TMEM94: variants seen among roughly 807,000 people sequenced by gnomAD.
TMEM94 encodes the protein transmembrane protein 94.
A neutral mutation model predicts 158.6 loss-of-function variants in TMEM94; 81 were observed. The ratio of observed to expected loss-of-function variants is 0.51; its 90% CI spans 0.43 to 0.61. The LOEUF (loss-of-function observed/expected upper bound fraction) is 0.61. Among genes scored for constraint, TMEM94 ranks in the 20% least tolerant of loss-of-function variants. The pLI is 0.00. For missense variants in TMEM94, 1,435 were observed against 1,762.0 expected, an observed-to-expected ratio of 0.81 and a Z score of 3.32; for synonymous variants, 751 against 730.7, an observed-to-expected ratio of 1.03 and a Z score of -0.45.
chr17:75,476,732 A>T (rs1485562266), intron 2 of TMEM94: 5 of 1,535,616 alleles, frequency 3.3e-6, no homozygotes, highest in Non-Finnish European at 4.4e-6. Context: ...CCATCAGGGC[A>T]AAGGCAACAA....
At position 75,485,626 on chromosome 17, in the gene TMEM94, T is replaced by C; in HGVS notation, c.144+79T>C. 6.3e-7 allele frequency: 1 copy of C among 1,584,984 alleles called. No homozygotes were observed. The highest frequency in any genetic ancestry group is 2.2e-5 in the East Asian group (1 of 44,670). On this transcript the variant is annotated intron_variant, in intron 3 of 31. Coordinates refer to ENST00000314256, the MANE Select transcript of TMEM94 (RefSeq NM_014738.6). This position sits in a 1 kb window ranked among gnomAD's most constrained non-coding sequence, Gnocchi z 5.5. ...GGGAGGCCCCTTCTCAGGACTCTGA[T>C]GTACCCTGTCACCCTGGACAGTGTG...
At position 75,495,003 on chromosome 17, in the gene TMEM94, C is replaced by T. The variant is rs374104242; in HGVS notation, c.2697C>T (p.His899=). 2.4e-5 allele frequency: 39 copies of T among 1,613,124 alleles called. No homozygotes were observed. Among genetic ancestry groups the T allele is most frequent in the African/African-American group, 1.1e-4 (8 of 74,870 alleles). ...GSEIPPSSPS[H]AGSLHDDLNQ... is the part of the protein sequence containing the mutation. The stretch of plus-strand genomic sequence containing the variant: ...AGATCCCCCCCTCCAGCCCCAGCCA[C>T]GCAGGCTCCCTGCATGATGACCTGA... The change falls in exon 20 of 32, where the codon CAC becomes CAT. Residue 899 remains histidine, a synonymous_variant. Transcript: ENST00000314256. This position sits in a 1 kb window ranked among gnomAD's most constrained non-coding sequence, Gnocchi z 5.6.
chr17:75,474,753 T>C (rs1215208722), intron 2 of TMEM94, among the ~76,000 whole-genome samples: 1 of 152,144 alleles, frequency 6.6e-6, no homozygotes, highest in African/African-American at 2.4e-5. Context: ...AGGGTTGTCG[T>C]CCCCTGGCTT....
At position 75,487,599 on chromosome 17, in the gene TMEM94, G is replaced by A. The variant is rs754560160; in HGVS notation, c.410-333G>A. Among the ~76,000 whole-genome samples the A allele has an allele frequency of 5.6e-4, 86 of 152,338 alleles. No homozygotes were observed. Among genetic ancestry groups the A allele is most frequent in the Non-Finnish European group, 1.0e-3 (69 of 68,022 alleles). On this transcript the variant is annotated intron_variant, in intron 5 of 31. Coordinates refer to ENST00000314256, the MANE Select transcript of TMEM94 (RefSeq NM_014738.6). This position sits in a 1 kb window ranked among gnomAD's most constrained non-coding sequence, Gnocchi z 4.6. ...GTCTCATCTGCCCCACTGGGTTGTG[G>A]CTCCTTGAGGAGCTATGTTGTTGTC...
intron 2 of TMEM94, chr17:75,476,875 G>C: frequency 2.2e-6 from 3 of 1,389,220 alleles, no homozygotes; most frequent in Non-Finnish European, 2.9e-6. Flanking sequence ...GCTTGAATGA[G>C]CATGGGTAGC....
rs1026446817 is a variant in TMEM94 at position 75,489,820 on chromosome 17, C to G, written c.954+158C>G. 3 of 679,144 alleles carry G rather than the reference C, an allele frequency of 4.4e-6. No homozygotes were observed. Among genetic ancestry groups the G allele is most frequent in the Non-Finnish European group, 7.6e-6 (3 of 392,534 alleles). The allele number at this position is 679,144 out of a possible 1,614,324, so 42.1% of individuals were successfully genotyped here. On this transcript the variant is annotated intron_variant, in intron 9 of 31. Transcript: ENST00000314256. The surrounding 1 kb of genome is among the most constrained non-coding windows in gnomAD (Gnocchi z 5.0). ...TTCCAGCTGGGCGTGGGGACTCAGGCCTGTAATCCAAGCACTTTGGGAGGC... is the reference window on the plus strand; with the variant it reads ...TTCCAGCTGGGCGTGGGGACTCAGGGCTGTAATCCAAGCACTTTGGGAGGC...
Position 75,499,861 on chromosome 17 carries a change from C to T in TMEM94, c.*527C>T. On this transcript the variant is annotated 3_prime_UTR_variant, in exon 32 of 32. Coordinates refer to ENST00000314256, the MANE Select transcript of TMEM94 (RefSeq NM_014738.6). ...CTCCCTCCCTCTGTGGGGGAGTCTCCCGCCTGAACCTGAAGATGGAGCAGG... is the reference window on the plus strand; with the variant it reads ...CTCCCTCCCTCTGTGGGGGAGTCTCTCGCCTGAACCTGAAGATGGAGCAGG... 6.4e-6 allele frequency: 1 copy of T among 157,240 alleles called. No individual in the cohort carries two copies. The allele number at this position is 157,240 out of a possible 1,614,324, so 9.7% of individuals were successfully genotyped here. A position where few individuals can be genotyped will look rare whatever the true frequency, so the allele number is the denominator to read the frequency against.
Position 75,488,786 on chromosome 17 carries a change from G to A in TMEM94, c.640G>A (p.Gly214Arg). The A allele has an allele frequency of 6.2e-7, 1 of 1,613,836 alleles. No homozygotes were observed. Among genetic ancestry groups the A allele is most frequent in the Non-Finnish European group, 8.5e-7 (1 of 1,179,904 alleles). The stretch of plus-strand genomic sequence containing the variant: ...TGACGAGCACATCGTCCTGGAGCCG[G>A]GAGACCTCTTCCCCCCCTTCTCCCC... The part of the protein sequence containing the change: ...KDDEHIVLEP[G>R]DLFPPFSPPP... Residue 214 changes from glycine (G) to arginine (R), a missense_variant, in exon 7 of 32, where the codon GGA becomes AGA. Transcript: ENST00000314256.
intron 18 of TMEM94, 38 bp downstream of exon 18, chr17:75,493,954 G>A: frequency 6.4e-7 from 1 of 1,574,028 alleles, no homozygotes; most frequent in Non-Finnish European, 8.6e-7. Flanking sequence ...TGGTGCTGGG[G>A]CTCCCCTGGG....
rs1174139895 is a variant in TMEM94 at position 75,496,320 on chromosome 17, G to A, written c.3092G>A (p.Trp1031Ter). 1 of 1,614,176 alleles carries A rather than the reference G, an allele frequency of 6.2e-7. No homozygotes were observed. The highest frequency in any genetic ancestry group is 1.7e-5 in the Admixed American group (1 of 60,032). The stretch of plus-strand genomic sequence containing the variant: ...CCCCTGTACCCATCCCGTTGCTCCT[G>A]GGAGACCTTTGGCTACGCCACCAGC... Reference protein sequence around the residue: ...LDPLYPSRCSWETFGYATSIS... With the variant: ...LDPLYPSRCS The change falls in exon 24 of 32, where the codon TGG becomes TAG. Residue 1031 changes from tryptophan to a stop codon, truncating the protein, a stop_gained. Transcript: ENST00000314256. LOFTEE classifies it high-confidence loss of function.
Position 75,489,694 on chromosome 17 carries a change from TC to T in TMEM94, c.954+35del. On this transcript the variant is annotated intron_variant, in intron 9 of 31. Transcript: ENST00000314256. The surrounding 1 kb of genome is among the most constrained non-coding windows in gnomAD (Gnocchi z 5.0). ...ACCACCCTGTCCTCTCTGTCATGCT[TC>T]CCTCCGACCCGCAGGGCTGGCTCTT... 3 of 1,576,636 alleles carry T rather than the reference TC, an allele frequency of 1.9e-6. No individual in the cohort carries two copies. In the East Asian group the frequency reaches 6.7e-5, roughly 35 times the overall value.
In TMEM94 at chr17:75,471,949, C is replaced by CT. The variant is rs1178021242; in HGVS notation, c.24+22dup. The stretch of plus-strand genomic sequence containing the variant: ...CACCTGGTAGGCCATATCCTATTAC[C>CT]TTATAGGTATTGTCTGTGTGTCTCT... On this transcript the variant is annotated intron_variant, in intron 2 of 31. Coordinates refer to ENST00000314256, the MANE Select transcript of TMEM94 (RefSeq NM_014738.6). 1.9e-6 allele frequency: 3 copies of CT among 1,610,272 alleles called. No individual in the cohort carries two copies. Among genetic ancestry groups the CT allele is most frequent in the African/African-American group, 2.7e-5 (2 of 74,806 alleles).
At chr17:75,463,031 AAAAAAAATATATATATAT>A (rs1567904488) in intron 1 of TMEM94, among the ~76,000 whole-genome samples, 9 of 8,056 alleles carry the variant, frequency 1.1e-3, no homozygotes, top group African/African-American at 5.2e-3. Flanking sequence ...AAAAAAAAAA[AAAAAAAATATATATATAT>A]ATATATATAT....
In TMEM94 at chr17:75,493,694, G is replaced by A; in HGVS notation, c.2190-5G>A. 6.2e-7 allele frequency: 1 copy of A among 1,613,992 alleles called. No homozygotes were observed. The highest frequency in any genetic ancestry group is 8.5e-7 in the Non-Finnish European group (1 of 1,180,040). On this transcript the variant is annotated splice_polypyrimidine_tract_variant and splice_region_variant and intron_variant, in intron 17 of 31. Coordinates refer to ENST00000314256, the MANE Select transcript of TMEM94 (RefSeq NM_014738.6). ...TCACCTCACCTCCGCCTGCTTCCCT[G>A]GCAGAAAGAAAGTGCTGGACTTCTA...
Position 75,489,256 on chromosome 17 carries a change from C to T in TMEM94, c.765-10C>T. ...TGCCAAGTGAGACTGACAGTCACTT[C>T]TTTCTGCAGATGGTGCCTGGACATG... is the stretch of plus-strand genomic sequence containing the variant. On this transcript the variant is annotated splice_polypyrimidine_tract_variant and intron_variant, in intron 7 of 31. Transcript: ENST00000314256. This position sits in a 1 kb window ranked among gnomAD's most constrained non-coding sequence, Gnocchi z 5.0. 1 of 1,613,534 alleles carries T rather than the reference C, an allele frequency of 6.2e-7. No individual in the cohort carries two copies. Among genetic ancestry groups the T allele is most frequent in the Non-Finnish European group, 8.5e-7 (1 of 1,179,414 alleles).
In TMEM94 at chr17:75,495,514, C is replaced by G; in HGVS notation, c.2845-30C>G. The G allele has an allele frequency of 2.5e-6, 4 of 1,610,344 alleles. No individual in the cohort carries two copies. The highest frequency in any genetic ancestry group is 3.4e-6 in the Non-Finnish European group (4 of 1,177,646). On this transcript the variant is annotated intron_variant, in intron 21 of 31. Coordinates refer to ENST00000314256, the MANE Select transcript of TMEM94 (RefSeq NM_014738.6). This position sits in a 1 kb window ranked among gnomAD's most constrained non-coding sequence, Gnocchi z 5.6. ...AGGGGAGGGATGCTGATCCCCATCC[C>G]GAAGCCGCTGGCATCTCTGCTTTCT...
Position 75,485,249 on chromosome 17 carries a change from G to C in TMEM94, c.25-179G>C. Reference sequence around the variant, plus strand: ...AGGAGGCTGTGCACTTGAACAGTTTGTAATTTGGTGGAGATGGACATGGTC... The same window carrying C: ...AGGAGGCTGTGCACTTGAACAGTTTCTAATTTGGTGGAGATGGACATGGTC... On this transcript the variant is annotated intron_variant, in intron 2 of 31. Coordinates refer to ENST00000314256, the MANE Select transcript of TMEM94 (RefSeq NM_014738.6). The surrounding 1 kb of genome is among the most constrained non-coding windows in gnomAD (Gnocchi z 5.5). 1.6e-6 allele frequency: 1 copy of C among 626,108 alleles called. No individual in the cohort carries two copies. The highest frequency in any genetic ancestry group is 2.1e-5 in the South Asian group (1 of 47,486). The allele number at this position is 626,108 out of a possible 1,614,324, so 38.8% of individuals were successfully genotyped here. A position where few individuals can be genotyped will look rare whatever the true frequency, so the allele number is the denominator to read the frequency against.
intron 4 of TMEM94, 27 bp from the exon 5 acceptor site, chr17:75,486,263 G>C: frequency 6.2e-7 from 1 of 1,613,520 alleles, no homozygotes; most frequent in South Asian, 1.1e-5. Flanking sequence ...ACTCCCTGTG[G>C]GTGCGGCCTC....
chr17:75,471,745 C>A, intron 1 of TMEM94, 55 bp from the exon 2 acceptor site: 1 of 653,448 alleles, frequency 1.5e-6, no homozygotes, highest in Non-Finnish European at 2.7e-6. Context: ...TGTTGTGTTT[C>A]ACAGTAGCTG....
Sources: gnomAD v4.1 joint callset for allele counts (sites outside exome capture counted in the v4.1 genomes callset) on GRCh38, gnomAD v4.1.1 for gene constraint, Gnocchi (gnomAD v3.1) non-coding constraint, MANE v1.5 for transcripts, NCBI Gene and HGNC (gene_info 2026-07-23, HGNC 2026-07-21) for gene names.